LARGE1: variants seen among roughly 807,000 people sequenced by gnomAD.
LARGE1 encodes the protein LARGE xylosyl- and glucuronyltransferase 1, also known as xylosyl- and glucuronyltransferase LARGE1.
Under a neutral mutation model 87.6 loss-of-function variants are expected in LARGE1, and 43 were observed. The observed-to-expected ratio is 0.49, with a 90% CI of 0.38 to 0.63. LARGE1 has a LOEUF of 0.63. Ranked by LOEUF, LARGE1 falls within the 30% of genes least tolerant of loss-of-function variation. LARGE1 has a pLI of 0.00. For synonymous variants in LARGE1, 434 were observed against 394.6 expected (o/e 1.10, Z -1.18); for missense variants, 802 against 1,000.2 (o/e 0.80, Z 2.67).
chr22:33,712,415 G>C (rs1427730852), intron 2 of LARGE1, among the ~76,000 whole-genome samples: 4 of 152,120 alleles, frequency 2.6e-5, no homozygotes, highest in Non-Finnish European at 5.9e-5. Context: ...GAGGAGACCA[G>C]CACAAGAGGG....
chr22:33,601,274 G>T (rs1334807219), intron 5 of LARGE1, among the ~76,000 whole-genome samples: 2 of 152,176 alleles, frequency 1.3e-5, no homozygotes, highest in African/African-American at 4.8e-5. Flanking sequence ...ATTGTGCTGG[G>T]GAAAGATCAC....
intron 6 of LARGE1, among the ~76,000 whole-genome samples, chr22:33,521,573 G>A (rs751032405): frequency 6.6e-5 from 10 of 152,182 alleles, no homozygotes; most frequent in Non-Finnish European, 1.5e-4. Flanking sequence ...CAAACGACAA[G>A]ACCGGCCCAG....
intron 5 of LARGE1, among the ~76,000 whole-genome samples, chr22:33,585,864 A>G (rs2078657419): frequency 1.3e-5 from 2 of 152,160 alleles, no homozygotes; most frequent in African/African-American, 4.8e-5. Context: ...ACGCCCGGCT[A>G]ATTTTTGTAT....
intron 11 of LARGE1, among the ~76,000 whole-genome samples, chr22:33,241,272 A>G (rs1315312439): frequency 1.3e-5 from 2 of 152,072 alleles, no homozygotes; most frequent in South Asian, 2.1e-4. Flanking sequence ...TGCTTGAAAC[A>G]ATGTGATCCC....
intron 1 of LARGE1, among the ~76,000 whole-genome samples, chr22:33,881,793 A>G (rs2064691941): frequency 2.6e-5 from 4 of 152,224 alleles, no homozygotes; most frequent in African/African-American, 9.6e-5. Context: ...GGTTAAGGAA[A>G]TAGGAACCCT....
chr22:33,238,940 C>G (rs1926376482), intron 11 of LARGE1, among the ~76,000 whole-genome samples: 1 of 150,560 alleles, frequency 6.6e-6, no homozygotes, highest in African/African-American at 2.4e-5. Context: ...CAGATTAAAT[C>G]CAAAAGGAAT....
chr22:33,097,279 T>C, the LARGE1 span, among the ~76,000 whole-genome samples: 5 of 152,226 alleles, frequency 3.3e-5, no homozygotes, highest in Non-Finnish European at 7.3e-5. Flanking sequence ...TCAGGAAGTC[T>C]GGAGGAGAAC....
intron 2 of LARGE1, among the ~76,000 whole-genome samples, chr22:33,706,320 G>C (rs1484894114): frequency 6.6e-6 from 1 of 152,182 alleles, no homozygotes; most frequent in Non-Finnish European, 1.5e-5. Flanking sequence ...GCCTCCAATG[G>C]CCAAGAGGGA....
rs190277825 is a variant in LARGE1, at chr22:33,585,859, C to T, written c.615+18576G>A. 3.7e-3 allele frequency among the ~76,000 whole-genome samples: 569 copies of T among 152,102 alleles called. 11 individuals carry two copies. The highest frequency in any genetic ancestry group is 0.035 in the Admixed American group (531 of 15,278). On this transcript the variant is annotated intron_variant, in intron 5 of 14. Transcript: ENST00000397394. Reference sequence around the variant, plus strand: ...TAGGTTCCTTTATGCTCACCACGCCCGGCTAATTTTTGTATTTTTAGTAGA... The same window carrying T: ...TAGGTTCCTTTATGCTCACCACGCCTGGCTAATTTTTGTATTTTTAGTAGA...
At chr22:33,441,525 C>A (rs149781322) in intron 6 of LARGE1, among the ~76,000 whole-genome samples, 1 of 152,320 alleles carries the variant, frequency 6.6e-6, no homozygotes, top group Admixed American at 6.5e-5. Flanking sequence ...ACAATCATGG[C>A]TCAGCGCAGC....
chr22:33,673,256 C>A (rs2081471971), intron 2 of LARGE1, among the ~76,000 whole-genome samples: 1 of 152,110 alleles, frequency 6.6e-6, no homozygotes. Flanking sequence ...GCCTAGACAA[C>A]AAGAGTGAAA....
chr22:33,645,608 T>C (rs933143608), intron 3 of LARGE1, among the ~76,000 whole-genome samples: 1 of 152,062 alleles, frequency 6.6e-6, no homozygotes, highest in African/African-American at 2.4e-5. Flanking sequence ...CTAATTAAAC[T>C]AAAGAGCTTC....
At chr22:33,213,387 G>C (rs944507969) in intron 11 of LARGE1, among the ~76,000 whole-genome samples, 3 of 152,178 alleles carry the variant, frequency 2.0e-5, no homozygotes, top group African/African-American at 7.2e-5. Context: ...CAGTGGCAGG[G>C]TTTCAGAGGA....
chr22:33,506,524 T>C (rs946891721), intron 6 of LARGE1, among the ~76,000 whole-genome samples: 2 of 152,206 alleles, frequency 1.3e-5, no homozygotes, highest in African/African-American at 2.4e-5. Flanking sequence ...TGGTCACAGA[T>C]GTTCTCTTTC....
chr22:33,876,217 G>T (rs560928955), intron 1 of LARGE1, among the ~76,000 whole-genome samples: 1 of 152,244 alleles, frequency 6.6e-6, no homozygotes, highest in African/African-American at 2.4e-5. Context: ...CAGGCCTGGG[G>T]ATAAAACAGG....
At chr22:33,616,066 T>C (rs1440433796) in intron 4 of LARGE1, among the ~76,000 whole-genome samples, 1 of 152,204 alleles carries the variant, frequency 6.6e-6, no homozygotes, top group Non-Finnish European at 1.5e-5. Flanking sequence ...CCGGTGGAAC[T>C]GTAAAATGAA....
At chr22:33,280,315 CA>C (rs58680121) in intron 13 of LARGE1, among the ~76,000 whole-genome samples, 6,092 of 67,374 alleles carry the variant, frequency 0.09, 114 homozygotes, top group South Asian at 0.16. Context: ...GGTAACTCCT[CA>C]AAAAAAAAAA....
chr22:33,823,519 G>C (rs7289200), intron 1 of LARGE1, among the ~76,000 whole-genome samples: 88,890 of 152,094 alleles, frequency 0.58, 27,662 homozygotes, highest in African/African-American at 0.81. Context: ...ACTTGTAACT[G>C]GAAAAGGAAA....
intron 1 of LARGE1, among the ~76,000 whole-genome samples, chr22:33,762,326 G>A (rs2084764195): frequency 6.6e-6 from 1 of 151,408 alleles, no homozygotes; most frequent in African/African-American, 2.4e-5. Flanking sequence ...AAGCTGAGAT[G>A]TGCATGGACC....
Sources: gnomAD v4.1 joint callset for allele counts (sites outside exome capture counted in the v4.1 genomes callset) on GRCh38, gnomAD v4.1.1 for gene constraint, MANE v1.5 for transcripts, NCBI Gene and HGNC (gene_info 2026-07-23, HGNC 2026-07-21) for gene names.